Variants in LRRN2 observed in about 807,000 individuals in gnomAD.
LRRN2 encodes the protein leucine rich repeat neuronal 2, also known as leucine-rich repeat neuronal protein 2.
In LRRN2, 10 loss-of-function variants were observed where a neutral mutation model predicts 35.7. The ratio of observed to expected loss-of-function variants is 0.28; its 90% confidence interval spans 0.17 to 0.47. LRRN2 has a LOEUF of 0.47. Ranked by LOEUF, LRRN2 falls within the 20% of genes least tolerant of loss-of-function variation. The pLI, the probability that LRRN2 is intolerant of heterozygous loss-of-function variation, is 0.99. For missense variants in LRRN2, 731 were observed against 940.3 expected (o/e 0.78, Z 2.91); for synonymous variants, 391 against 409.6 (o/e 0.95, Z 0.55).
chr1:204,680,743 G>A (rs2102246301), intron 1 of LRRN2, among the ~76,000 whole-genome samples: 1 of 152,054 alleles, frequency 6.6e-6, no homozygotes, highest in South Asian at 2.1e-4. Flanking sequence ...GGCTGAGAGG[G>A]ACGTGTCAGC....
intron 1 of LRRN2, among the ~76,000 whole-genome samples, chr1:204,650,081 C>T (rs1668189780): frequency 2.0e-5 from 3 of 152,244 alleles, no homozygotes; most frequent in Admixed American, 2.0e-4. Flanking sequence ...ACCTGCCCAG[C>T]CTGGCCCTGG....
intron 1 of LRRN2, among the ~76,000 whole-genome samples, chr1:204,626,108 TGG>T (rs1667335154): frequency 6.6e-6 from 1 of 152,084 alleles, no homozygotes; most frequent in African/African-American, 2.4e-5. Flanking sequence ...ATCCATCCCC[TGG>T]GTCACTCTAC....
chr1:204,634,298 G>C (rs1482218392), intron 1 of LRRN2, among the ~76,000 whole-genome samples: 3 of 152,258 alleles, frequency 2.0e-5, no homozygotes, highest in African/African-American at 7.2e-5. Flanking sequence ...CTTGGGAATA[G>C]AAGACGTGGA....
intron 1 of LRRN2, among the ~76,000 whole-genome samples, chr1:204,632,667 C>T (rs556537685): frequency 2.0e-5 from 3 of 148,596 alleles, no homozygotes; most frequent in Admixed American, 1.4e-4. Flanking sequence ...CGCAGTGGCC[C>T]ACACCTGTAA....
chr1:204,618,481 C>T lies in LRRN2; in HGVS notation c.1512G>A (p.Gly504=), dbSNP rs772240040. The part of the protein sequence containing the change: ...LYTCVAQNLV[G]ADTKTVSVVV... ...CCACACTAACCGTCTTAGTGTCAGCCCCCACCAGGTTCTGGGCCACACAGG... is the reference window on the plus strand; with the variant it reads ...CCACACTAACCGTCTTAGTGTCAGCTCCCACCAGGTTCTGGGCCACACAGG... The change falls in exon 2 of 2, where the codon GGG becomes GGA. Residue 504 remains glycine, a synonymous_variant. Transcript: ENST00000367177. 2 of 1,614,254 alleles carry T rather than the reference C, an allele frequency of 1.2e-6. No homozygotes were observed. The highest frequency in any genetic ancestry group is 1.3e-5 in the African/African-American group (1 of 75,076).
At chr1:204,627,929 C>T (rs1044787099) in intron 1 of LRRN2, among the ~76,000 whole-genome samples, 8 of 151,846 alleles carry the variant, frequency 5.3e-5, no homozygotes, top group African/African-American at 9.7e-5. Context: ...AGAGAATATC[C>T]GGAGAAGGAA....
At chr1:204,656,686 T>C (rs1668363511) in intron 1 of LRRN2, among the ~76,000 whole-genome samples, 1 of 152,218 alleles carries the variant, frequency 6.6e-6, no homozygotes, top group South Asian at 2.1e-4. Flanking sequence ...TTCCCTCACA[T>C]GTTGGAAGAC....
chr1:204,627,906 A>G (rs893761624), intron 1 of LRRN2, among the ~76,000 whole-genome samples: 4 of 152,226 alleles, frequency 2.6e-5, no homozygotes, highest in Non-Finnish European at 5.9e-5. Flanking sequence ...CAGTCTGGAC[A>G]CAGTGGTAGC....
chr1:204,617,556 AGC>A lies in LRRN2; in HGVS notation c.*293_*294del, dbSNP rs1666427617. The A allele has an allele frequency of 2.5e-6, 1 of 404,406 alleles. No individual in the cohort carries two copies. Among genetic ancestry groups the A allele is most frequent in the African/African-American group, 2.1e-5 (1 of 48,734 alleles). The allele number at this position is 404,406 out of a possible 1,614,324, so 25.1% of individuals were successfully genotyped here. ...AGGGGACAGCCAAGCCAGGCCCAGG[AGC>A]CTCTGGGCAGAGAGAAGATGGGGAG... On this transcript the variant is annotated 3_prime_UTR_variant, in exon 2 of 2. Transcript: ENST00000367177.
Position 204,617,717 on chromosome 1 carries a change from G to A in LRRN2, c.*134C>T. The A allele has an allele frequency of 4.8e-6, 5 of 1,034,384 alleles. No homozygotes were observed. The highest frequency in any genetic ancestry group is 5.9e-6 in the Non-Finnish European group (4 of 682,654). 64.1% of individuals were successfully genotyped at this position (1,034,384 alleles called of 1,614,324 possible). On this transcript the variant is annotated 3_prime_UTR_variant, in exon 2 of 2. Transcript: ENST00000367177. ...CCCCCAGGGCCACAAAGCCCCATCT[G>A]TCTTGGCCCAGCTGCCAGGCCTCAA...
chr1:204,646,824 A>T (rs1668117150), intron 1 of LRRN2, among the ~76,000 whole-genome samples: 1 of 152,200 alleles, frequency 6.6e-6, no homozygotes. Flanking sequence ...TCTATTGGAC[A>T]TATATCTCTA....
At chr1:204,652,421 G>A (rs1470047983) in intron 1 of LRRN2, among the ~76,000 whole-genome samples, 1 of 49,170 alleles carries the variant, frequency 2.0e-5, no homozygotes, top group East Asian at 8.7e-4. Flanking sequence ...CAAGGAGGCA[G>A]AAGAGCAAAG....
chr1:204,648,798 C>G (rs983875217), intron 1 of LRRN2, among the ~76,000 whole-genome samples: 1 of 152,210 alleles, frequency 6.6e-6, no homozygotes, highest in African/African-American at 2.4e-5. Context: ...GCTGTTCAGA[C>G]CACAGCCCCC....
chr1:204,640,897 G>A (rs1667960779), intron 1 of LRRN2, among the ~76,000 whole-genome samples: 1 of 151,868 alleles, frequency 6.6e-6, no homozygotes, highest in East Asian at 1.9e-4. Flanking sequence ...TACCGCCCAA[G>A]TCTCCCAGGA....
chr1:204,631,256 C>CATATATA (rs1282306008), intron 1 of LRRN2, among the ~76,000 whole-genome samples: 7 of 36,910 alleles, frequency 1.9e-4, no homozygotes, highest in African/African-American at 6.7e-4. Context: ...CTAGAGTGTT[C>CATATATA]TATATATATA....
chr1:204,630,673 T>A (rs1477567743), intron 1 of LRRN2, among the ~76,000 whole-genome samples: 2 of 151,800 alleles, frequency 1.3e-5, no homozygotes, highest in African/African-American at 4.8e-5. Context: ...CCTGGCCACC[T>A]CCTCCAATGC....
Position 204,619,253 on chromosome 1 carries a change from T to G in LRRN2, c.740A>C (p.Asn247Thr). The G allele has an allele frequency of 6.2e-7, 1 of 1,614,090 alleles. No homozygotes were observed. The highest frequency in any genetic ancestry group is 8.5e-7 in the Non-Finnish European group (1 of 1,180,030). Reference protein sequence around the residue: ...QSLESLSFYDNQLARVPRRAL... With the variant: ...QSLESLSFYDTQLARVPRRAL... Reference sequence around the variant, plus strand: ...CCGCCTGGGCACCCGGGCCAGCTGGTTGTCATAGAAGGAGAGGCTCTCCAG... The same window carrying G: ...CCGCCTGGGCACCCGGGCCAGCTGGGTGTCATAGAAGGAGAGGCTCTCCAG... The change falls in exon 2 of 2, where the codon AAC (asparagine) becomes ACC (threonine). Residue 247 changes from asparagine to threonine, a missense_variant. By Grantham distance (65) the Asn-to-Thr change is moderately conservative (BLOSUM62 0). Transcript: ENST00000367177.
At chr1:204,676,603 G>A (rs1007102166) in intron 1 of LRRN2, among the ~76,000 whole-genome samples, 21 of 151,942 alleles carry the variant, frequency 1.4e-4, no homozygotes, top group Admixed American at 3.3e-4. Context: ...TCACAGCCCC[G>A]GTGTTTTATG....
At chr1:204,637,860 G>A (rs1260504981) in intron 1 of LRRN2, among the ~76,000 whole-genome samples, 1 of 152,212 alleles carries the variant, frequency 6.6e-6, no homozygotes, top group African/African-American at 2.4e-5. Context: ...TCGCAAAGCA[G>A]CATTAGGCAA....
Sources: gnomAD v4.1 joint callset for allele counts (sites outside exome capture counted in the v4.1 genomes callset) on GRCh38, gnomAD v4.1.1 for gene constraint, MANE v1.5 for transcripts, NCBI Gene and HGNC (gene_info 2026-07-23, HGNC 2026-07-21) for gene names.